The following COX6C variants were observed in gnomAD, a reference collection of about 807,000 sequenced individuals.
The protein encoded by COX6C is cytochrome c oxidase subunit 6C.
Under a neutral mutation model 6.9 loss-of-function variants are expected in COX6C, and 3 were observed. The ratio of observed to expected loss-of-function variants is 0.43; its 90% CI spans 0.20 to 1.12. COX6C has a LOEUF of 1.12. Ranked by LOEUF, COX6C falls within the 50% of genes most tolerant of loss-of-function variation. The probability of loss-of-function intolerance (pLI) is 0.27; values close to 1 mark genes in which losing one functional copy is unlikely to be tolerated. For missense variants in COX6C, 101 were observed against 97.3 expected (o/e 1.04, Z -0.16); for synonymous variants, 32 against 32.0 (o/e 1.00, Z 0.00).
At position 99,891,959 on chromosome 8, in the gene COX6C, A is replaced by G; in HGVS notation, c.63T>C (p.Asn21=). The change falls in exon 2 of 4, where the codon AAT becomes AAC. Residue 21 remains asparagine, a synonymous_variant. Transcript: ENST00000520468. ...ATAGCACGAATGCTACAGCCATATG[A>G]TTTCGCAGACGCCTGGCCAGAAGGC... ...MRGLLARRLR[N]HMAVAFVLSL... is the part of the protein sequence containing the mutation. 2 of 1,614,092 alleles carry G rather than the reference A, an allele frequency of 1.2e-6. No homozygotes were observed. The highest frequency in any genetic ancestry group is 2.7e-5 in the African/African-American group (2 of 75,066).
intron 1 of COX6C, among the ~76,000 whole-genome samples, 175 bp from the exon 2 acceptor site, chr8:99,892,227 G>C (rs1221244631): frequency 6.6e-6 from 1 of 152,162 alleles, no homozygotes; most frequent in African/African-American, 2.4e-5. Flanking sequence ...TGCTCCCCAG[G>C]CTGGTCTTAA....
At chr8:99,888,505 C>T (rs1314979376) in intron 2 of COX6C, among the ~76,000 whole-genome samples, 1 of 151,970 alleles carries the variant, frequency 6.6e-6, no homozygotes, top group African/African-American at 2.4e-5. Context: ...TGGGAGGCCT[C>T]GGAGGGTGCA....
At chr8:99,892,984 T>C (rs1229832038) in intron 1 of COX6C, 1 of 152,032 alleles carries the variant, frequency 6.6e-6, no homozygotes, top group Admixed American at 6.5e-5. Flanking sequence ...GGGCCCAAAT[T>C]CCCTAACTGC....
chr8:99,880,114 A>G (rs1253821622), intron 3 of COX6C, among the ~76,000 whole-genome samples: 73 of 152,228 alleles, frequency 4.8e-4, no homozygotes, highest in Admixed American at 4.8e-3. Flanking sequence ...GAGGACACCA[A>G]GCCTTTATGG....
chr8:99,883,584 G>C (rs143822119), intron 3 of COX6C, among the ~76,000 whole-genome samples: 1 of 151,764 alleles, frequency 6.6e-6, no homozygotes, highest in East Asian at 1.9e-4. Context: ...TTACAGGCAT[G>C]AGCCACCATG....
At chr8:99,889,104 AG>A (rs1817993488) in intron 2 of COX6C, among the ~76,000 whole-genome samples, 1 of 152,196 alleles carries the variant, frequency 6.6e-6, no homozygotes, top group Admixed American at 6.5e-5. Context: ...TAAACTAAGG[AG>A]CAAAAATTCT....
chr8:99,885,258 T>C (rs1817928121), intron 3 of COX6C, among the ~76,000 whole-genome samples: 2 of 152,220 alleles, frequency 1.3e-5, no homozygotes, highest in Non-Finnish European at 2.9e-5. Flanking sequence ...TACACTACAA[T>C]TGTTCTATTT....
intron 3 of COX6C, among the ~76,000 whole-genome samples, chr8:99,881,473 T>C (rs1442274401): frequency 6.6e-6 from 1 of 152,178 alleles, no homozygotes; most frequent in Non-Finnish European, 1.5e-5. Flanking sequence ...ATACATAATA[T>C]ATAAACACAT....
rs201229067 is a variant in COX6C at position 99,891,963 on chromosome 8, C to T, written c.59G>A (p.Arg20Gln). The T allele has an allele frequency of 3.1e-6, 5 of 1,614,052 alleles. No individual in the cohort carries two copies. In the South Asian group the frequency reaches 4.4e-5, roughly 14 times the overall value. Residue 20 changes from arginine (R) to glutamine (Q), a missense_variant, in exon 2 of 4, where the codon CGA becomes CAA. Physicochemically the swap from Arg to Gln is conservative, Grantham distance 43. Transcript: ENST00000520468. ...CACGAATGCTACAGCCATATGATTTCGCAGACGCCTGGCCAGAAGGCCACG... is the reference window on the plus strand; with the variant it reads ...CACGAATGCTACAGCCATATGATTTTGCAGACGCCTGGCCAGAAGGCCACG... The part of the protein sequence containing the change: ...RMRGLLARRL[R>Q]NHMAVAFVLS...
rs774971129 is a variant in COX6C at position 99,887,609 on chromosome 8, C to A, written c.124G>T (p.Ala42Ser). ...GCGTATGCCTTCTTTCTTTGATCAG[C>A]CACACGAAACTAAAAAGCAACCATC... ...GVAALYKFRV[A>S]DQRKKAYADF... The change falls in exon 3 of 4, where the codon GCT becomes TCT. Residue 42 changes from alanine (A) to serine (S), a missense_variant. Physicochemically the swap from Ala to Ser is moderately conservative, Grantham distance 99. Coordinates refer to ENST00000520468, the MANE Select transcript of COX6C (RefSeq NM_004374.4). The A allele has an allele frequency of 3.1e-6, 5 of 1,591,930 alleles. No individual in the cohort carries two copies. Among genetic ancestry groups the A allele is most frequent in the Non-Finnish European group, 4.3e-6 (5 of 1,173,342 alleles).
rs1368923620 is a variant in COX6C at position 99,893,651 on chromosome 8, G to C, written c.-44C>G. The C allele has an allele frequency of 6.6e-6, 1 of 152,258 alleles. No homozygotes were observed. The highest frequency in any genetic ancestry group is 1.9e-4 in the East Asian group (1 of 5,206). The allele number at this position is 152,258 out of a possible 1,614,324, so 9.4% of individuals were successfully genotyped here. On this transcript the variant is annotated 5_prime_UTR_variant, in exon 1 of 4. Transcript: ENST00000520468. ...GGACCGGACTCACCTCAACACCAAC[G>C]TCCTTCCTGACTAAAGGAAAAACGA...
chr8:99,882,894 C>T (rs972197263), intron 3 of COX6C, among the ~76,000 whole-genome samples: 2 of 152,156 alleles, frequency 1.3e-5, no homozygotes, highest in African/African-American at 4.8e-5. Flanking sequence ...ACCTCCCAGG[C>T]TCAGGTAATC....
At position 99,893,659 on chromosome 8, in the gene COX6C, T is replaced by A. The variant is rs775083672; in HGVS notation, c.-52A>T. 6 of 152,266 alleles carry A rather than the reference T, an allele frequency of 3.9e-5. No homozygotes were observed. The South Asian group carries it at 8.3e-4, about 21-fold the overall frequency. The allele number at this position is 152,266 out of a possible 1,614,324, so 9.4% of individuals were successfully genotyped here. A position where few individuals can be genotyped will look rare whatever the true frequency, so the allele number is the denominator to read the frequency against. On this transcript the variant is annotated 5_prime_UTR_variant, in exon 1 of 4. Coordinates refer to ENST00000520468, the MANE Select transcript of COX6C (RefSeq NM_004374.4). The stretch of plus-strand genomic sequence containing the variant: ...CTCACCTCAACACCAACGTCCTTCC[T>A]GACTAAAGGAAAAACGAACCGTGCT...
chr8:99,887,478 T>C lies in COX6C; in HGVS notation c.*15+12A>G, dbSNP rs1588828553. ...AAATTTTTTTTTAAGTAACTTCAAA[T>C]AACCATATTACCTTTATATTCCAAG... On this transcript the variant is annotated intron_variant, in intron 3 of 3. Coordinates refer to ENST00000520468, the MANE Select transcript of COX6C (RefSeq NM_004374.4). 6.8e-7 allele frequency: 1 copy of C among 1,468,520 alleles called. No individual in the cohort carries two copies. The highest frequency in any genetic ancestry group is 2.4e-5 in the East Asian group (1 of 41,852). The allele number at this position is 1,468,520 out of a possible 1,614,324, so 91.0% of individuals were successfully genotyped here. A position where few individuals can be genotyped will look rare whatever the true frequency, so the allele number is the denominator to read the frequency against.
intron 3 of COX6C, chr8:99,878,808 AC>A (rs1240898209): frequency 6.6e-6 from 1 of 152,228 alleles, no homozygotes; most frequent in Non-Finnish European, 1.5e-5. Flanking sequence ...ATTATAAACA[AC>A]CATTAATATT....
chr8:99,883,397 GTGTGTGTATATATA>G (rs1817893670), intron 3 of COX6C, among the ~76,000 whole-genome samples: 1 of 151,434 alleles, frequency 6.6e-6, no homozygotes, highest in African/African-American at 2.4e-5. Context: ...ATATATCTGT[GTGTGTGTATATATA>G]TGTGTGTGTG....
intron 1 of COX6C, among the ~76,000 whole-genome samples, chr8:99,892,678 T>TCCCCCCCCCCCCCCCCCCCCC (rs76610503): frequency 6.6e-6 from 1 of 151,210 alleles, no homozygotes; most frequent in African/African-American, 2.4e-5. Context: ...TGTTTCATCT[T>TCCCCCCCCCCCCCCCCCCCCC]CCCCCCGCCC....
intron 3 of COX6C, among the ~76,000 whole-genome samples, chr8:99,881,217 G>A (rs571404766): frequency 2.8e-4 from 42 of 152,110 alleles, no homozygotes; most frequent in Non-Finnish European, 5.1e-4. Flanking sequence ...AAAATTAGCT[G>A]AGCACAGTGG....
chr8:99,889,750 T>A (rs1443429665), intron 2 of COX6C, among the ~76,000 whole-genome samples: 1 of 151,974 alleles, frequency 6.6e-6, no homozygotes, highest in African/African-American at 2.4e-5. Flanking sequence ...CCACCTCAAC[T>A]TCCTGAGTAG....
Sources: allele counts gnomAD v4.1 joint callset (sites outside exome capture counted in the v4.1 genomes callset), GRCh38; gene constraint gnomAD v4.1.1; transcripts MANE v1.5; gene names NCBI Gene and HGNC (gene_info 2026-07-23, HGNC 2026-07-21).